ZNF385D: variants seen among roughly 807,000 people sequenced by gnomAD.
The protein encoded by ZNF385D is zinc finger protein 385D.
A neutral mutation model predicts 35.8 loss-of-function variants in ZNF385D; 15 were observed. That is an observed-to-expected ratio of 0.42 (90% CI 0.28 to 0.64). ZNF385D has a LOEUF of 0.64. Ranked by LOEUF, ZNF385D falls within the 30% of genes least tolerant of loss-of-function variation. The pLI is 0.23. For synonymous variants in ZNF385D, 212 were observed against 186.8 expected, an observed-to-expected ratio of 1.13 and a Z score of -1.10; for missense variants, 474 against 494.6, an observed-to-expected ratio of 0.96 and a Z score of 0.39.
chr3:21,716,894 C>T lies in ZNF385D; in HGVS notation c.22+34001G>A, dbSNP rs530841851. Among the ~76,000 whole-genome samples the T allele has an allele frequency of 3.3e-5, 5 of 152,056 alleles. No homozygotes were observed. The East Asian group carries it at 5.8e-4, about 18-fold the overall frequency. On this transcript the variant is annotated intron_variant, in intron 1 of 7. Transcript: ENST00000281523. Reference sequence around the variant, plus strand: ...ATCCCAGGACTTTGGGAGGCTGAGGCGGGTGGATCACAAGGTCAAGAGATC... The same window carrying T: ...ATCCCAGGACTTTGGGAGGCTGAGGTGGGTGGATCACAAGGTCAAGAGATC...
chr3:21,890,324 A>G (rs1460996401), intron 3 of ZNF385D, among the ~76,000 whole-genome samples: 19 of 152,208 alleles, frequency 1.2e-4, no homozygotes, highest in Admixed American at 1.2e-3. Flanking sequence ...AGGCAGTATA[A>G]TAAAAGTTAT....
At chr3:21,793,171 T>C (rs997589605) in intron 3 of ZNF385D, among the ~76,000 whole-genome samples, 6 of 152,048 alleles carry the variant, frequency 3.9e-5, no homozygotes, top group African/African-American at 1.2e-4. Flanking sequence ...AAATGAGGAG[T>C]TGAAAGAATA....
At chr3:21,932,922 T>G (rs1701084560) in intron 3 of ZNF385D, among the ~76,000 whole-genome samples, 1 of 152,132 alleles carries the variant, frequency 6.6e-6, no homozygotes, top group Non-Finnish European at 1.5e-5. Context: ...CTTGAAGCAT[T>G]TACTGAAATT....
At chr3:21,717,886 A>G (rs891463591) in intron 1 of ZNF385D, among the ~76,000 whole-genome samples, 1 of 152,238 alleles carries the variant, frequency 6.6e-6, no homozygotes, top group Non-Finnish European at 1.5e-5. Flanking sequence ...CTTTATTAAC[A>G]GCATAAAAAT....
intron 3 of ZNF385D, among the ~76,000 whole-genome samples, chr3:21,828,589 A>G (rs1334776538): frequency 6.6e-6 from 1 of 152,224 alleles, no homozygotes; most frequent in Non-Finnish European, 1.5e-5. Flanking sequence ...TTTATTGGCT[A>G]CCTACTGTGT....
intron 3 of ZNF385D, among the ~76,000 whole-genome samples, chr3:21,815,848 G>C (rs1296489002): frequency 6.6e-6 from 1 of 152,078 alleles, no homozygotes; most frequent in East Asian, 1.9e-4. Flanking sequence ...GCATCATTCT[G>C]ATACCAACGC....
chr3:21,458,939 A>G lies in ZNF385D; in HGVS notation c.440-21736T>C, dbSNP rs547021181. 3.9e-5 allele frequency among the ~76,000 whole-genome samples: 6 copies of G among 152,278 alleles called. No homozygotes were observed. The East Asian group carries it at 7.7e-4, about 20-fold the overall frequency. The stretch of plus-strand genomic sequence containing the variant: ...TGTACACTTTAAATGGGTGAATTCT[A>G]TGGTATGTGAATTATATCTCAATGA... On this transcript the variant is annotated intron_variant, in intron 4 of 7. Coordinates refer to ENST00000281523, the MANE Select transcript of ZNF385D (RefSeq NM_024697.3).
intron 2 of ZNF385D, among the ~76,000 whole-genome samples, chr3:22,309,373 GAAGC>G (rs1263192103): frequency 6.6e-6 from 1 of 151,996 alleles, no homozygotes; most frequent in African/African-American, 2.4e-5. Flanking sequence ...AGAAAGAAGA[GAAGC>G]AAGTATAAAT....
chr3:21,818,177 G>A (rs186661067), intron 3 of ZNF385D, among the ~76,000 whole-genome samples: 3 of 151,238 alleles, frequency 2.0e-5, no homozygotes, highest in South Asian at 2.1e-4. Context: ...GGGGCCTGTC[G>A]TGATGGGGGT....
At chr3:22,172,893 A>G (rs115880423) in intron 2 of ZNF385D, among the ~76,000 whole-genome samples, 93 of 152,322 alleles carry the variant, frequency 6.1e-4, no homozygotes, top group Admixed American at 1.2e-3. Context: ...CTCTTTAAGT[A>G]TAGGTTATGC....
chr3:21,629,988 T>C (rs1300146305), intron 2 of ZNF385D, among the ~76,000 whole-genome samples: 1 of 142,742 alleles, frequency 7.0e-6, no homozygotes. Context: ...GGAGCACCTA[T>C]GGAGAAAGTG....
intron 2 of ZNF385D, among the ~76,000 whole-genome samples, chr3:22,281,007 G>A (rs1426310078): frequency 6.6e-6 from 1 of 151,944 alleles, no homozygotes; most frequent in East Asian, 1.9e-4. Context: ...TATTGTAAAA[G>A]GGTTCTTGAG....
At chr3:21,640,488 T>C (rs1261444918) in intron 2 of ZNF385D, among the ~76,000 whole-genome samples, 1 of 152,034 alleles carries the variant, frequency 6.6e-6, no homozygotes, top group African/African-American at 2.4e-5. Flanking sequence ...AGGTGAGACC[T>C]TTGGGAGGTA....
intron 5 of ZNF385D, among the ~76,000 whole-genome samples, chr3:21,432,111 C>T (rs1701318824): frequency 6.6e-6 from 1 of 152,052 alleles, no homozygotes; most frequent in Non-Finnish European, 1.5e-5. Flanking sequence ...ACAGATTTTG[C>T]CTCCATTAGC....
intron 3 of ZNF385D, among the ~76,000 whole-genome samples, chr3:21,933,136 C>T (rs944340596): frequency 2.0e-5 from 3 of 152,254 alleles, no homozygotes; most frequent in South Asian, 2.1e-4. Flanking sequence ...TAGAAAAACT[C>T]GTCTCAATTT....
chr3:22,056,274 TAAAAAAAAAAAAAAAAAA>T (rs1180609438), intron 3 of ZNF385D, among the ~76,000 whole-genome samples: 2 of 64,802 alleles, frequency 3.1e-5, no homozygotes, highest in Admixed American at 1.6e-4. Flanking sequence ...TAGAGTATAA[TAAAAAAAAAAAAAAAAAA>T]AAAAAAAAAA....
Position 22,193,041 on chromosome 3 carries a change from A to C in ZNF385D, c.107-24006T>G, listed in dbSNP as rs1459770256. Among the ~76,000 whole-genome samples the C allele has an allele frequency of 2.6e-5, 4 of 152,206 alleles. No individual in the cohort carries two copies. The East Asian group carries it at 7.7e-4, about 29-fold the overall frequency. ...ACGGTTCCTAGTTTCATATACTTACATTAATCTCAGATAAGACAAGAGTAA... is the reference window on the plus strand; with the variant it reads ...ACGGTTCCTAGTTTCATATACTTACCTTAATCTCAGATAAGACAAGAGTAA... On this transcript the variant is annotated intron_variant, in intron 2 of 5. Transcript: ENST00000494108.
chr3:22,021,969 C>G (rs1169243180), intron 3 of ZNF385D, among the ~76,000 whole-genome samples: 1 of 152,020 alleles, frequency 6.6e-6, no homozygotes, highest in Admixed American at 6.6e-5. Flanking sequence ...CTAACTCACT[C>G]AACTTCCATT....
In ZNF385D at chr3:22,262,428, A is replaced by AT. The variant is rs1249049535; in HGVS notation, c.107-93394dup. On this transcript the variant is annotated intron_variant, in intron 2 of 5. Transcript: ENST00000494108. ...CCATGGTAAACCCAATCATTGAGAT[A>AT]TTTTTTGCATAATTTCATCTTTTAT... 3.9e-5 allele frequency among the ~76,000 whole-genome samples: 6 copies of AT among 151,962 alleles called. No homozygotes were observed. In the East Asian group the frequency reaches 1.2e-3, roughly 30 times the overall value.
Sources: allele counts gnomAD v4.1 joint callset (sites outside exome capture counted in the v4.1 genomes callset), GRCh38; gene constraint gnomAD v4.1.1; transcripts MANE v1.5; gene names NCBI Gene and HGNC (gene_info 2026-07-23, HGNC 2026-07-21).